ZNF347: variants seen among roughly 807,000 people sequenced by gnomAD.
ZNF347 encodes CTD-2620I22.7.
A neutral mutation model predicts 12.9 loss-of-function variants in ZNF347; 19 were observed. The observed-to-expected ratio is 1.47, with a 90% CI of 1.03 to 2.16. ZNF347 has a LOEUF of 2.16. Ranked by LOEUF, ZNF347 falls within the 30% of genes most tolerant of loss-of-function variation. The probability of loss-of-function intolerance (pLI) is 0.00; values close to 1 mark genes in which losing one functional copy is unlikely to be tolerated. For synonymous variants in ZNF347, 328 were observed against 340.6 expected (o/e 0.96, Z 0.41); for missense variants, 1,005 against 990.6 (o/e 1.01, Z -0.19).
At position 53,148,689 on chromosome 19, in the gene ZNF347, A is replaced by G; in HGVS notation, c.263T>C (p.Val88Ala). The change falls in exon 4 of 5, where the codon GTG becomes GCG. Residue 88 changes from valine (V) to alanine (A), a missense_variant. Transcript: ENST00000334197. The part of the protein sequence containing the change: ...NPDGWEWIKA[V>A]ITALSSEFVM... ...CCCATCTGAACTCTTACCTGTGATC[A>G]CAGCTTTGATCCATTCCCATCCATC... 6.2e-7 allele frequency: 1 copy of G among 1,612,596 alleles called. No individual in the cohort carries two copies. Among genetic ancestry groups the G allele is most frequent in the South Asian group, 1.1e-5 (1 of 90,844 alleles).
At chr19:53,154,404 T>C (rs1353743457) in intron 1 of ZNF347, among the ~76,000 whole-genome samples, 1 of 151,944 alleles carries the variant, frequency 6.6e-6, no homozygotes, top group Non-Finnish European at 1.5e-5. Context: ...ATGCTGGATC[T>C]AGAGTTCACA....
intron 4 of ZNF347, among the ~76,000 whole-genome samples, chr19:53,146,331 G>C (rs2090463397): frequency 6.6e-6 from 1 of 151,974 alleles, no homozygotes; most frequent in South Asian, 2.1e-4. Flanking sequence ...CTGGAGTGCA[G>C]TGGCCCAGTC....
intron 1 of ZNF347, among the ~76,000 whole-genome samples, chr19:53,156,058 G>GGCGGT: frequency 7.8e-6 from 1 of 127,904 alleles, no homozygotes; most frequent in African/African-American, 2.9e-5. Context: ...GGGGGGGGGG[G>GGCGGT]GGTTAGGCGG....
chr19:53,150,564 C>T (rs2090490769), intron 2 of ZNF347, among the ~76,000 whole-genome samples: 1 of 152,042 alleles, frequency 6.6e-6, no homozygotes, highest in Admixed American at 6.5e-5. Context: ...GTCTAACACA[C>T]CAAGTGATAT....
chr19:53,142,024 C>G lies in ZNF347; in HGVS notation c.804G>C (p.Met268Ile). The change falls in exon 5 of 5, where the codon ATG becomes ATC. Residue 268 changes from methionine to isoleucine, a missense_variant. Transcript: ENST00000334197. ...CAAGGTGTGAATTTTGAGGAAAGACCATGCCACATCCATTAGATTTGTAAG... is the reference window on the plus strand; with the variant it reads ...CAAGGTGTGAATTTTGAGGAAAGACGATGCCACATCCATTAGATTTGTAAG... ...GSPYKSNGCG[M>I]VFPQNSHLAS... The G allele has an allele frequency of 6.2e-7, 1 of 1,614,056 alleles. No individual in the cohort carries two copies.
At chr19:53,154,200 A>G (rs531646807) in intron 1 of ZNF347, among the ~76,000 whole-genome samples, 1 of 152,272 alleles carries the variant, frequency 6.6e-6, no homozygotes, top group African/African-American at 2.4e-5. Flanking sequence ...CAAAAGGTAG[A>G]GGCTGAACGT....
chr19:53,136,933 T>C lies in ZNF347; in HGVS notation c.*3375A>G, dbSNP rs1212600129. On this transcript the variant is annotated 3_prime_UTR_variant, in exon 5 of 5. Transcript: ENST00000334197. ...GAGAGTCTCACTCTATTGCCCAGGC[T>C]GGAGTGCAGTGGTGAGATCTCAGCT... The C allele has an allele frequency of 2.6e-5, 4 of 152,234 alleles. No homozygotes were observed. The highest frequency in any genetic ancestry group is 4.4e-5 in the Non-Finnish European group (3 of 68,072). 9.4% of individuals were successfully genotyped at this position (152,234 alleles called of 1,614,324 possible). A position where few individuals can be genotyped will look rare whatever the true frequency, so the allele number is the denominator to read the frequency against.
At chr19:53,154,066 T>A (rs575098992) in intron 1 of ZNF347, among the ~76,000 whole-genome samples, 1 of 152,056 alleles carries the variant, frequency 6.6e-6, no homozygotes, top group African/African-American at 2.4e-5. Flanking sequence ...GCTGCAGCAA[T>A]TGGGAGCTGG....
Position 53,148,664 on chromosome 19 carries a change from C to T in ZNF347, c.271+17G>A, listed in dbSNP as rs375949478. Reference sequence around the variant, plus strand: ...TATTTAATAAACGGCATTTTCTCTACCCATCTGAACTCTTACCTGTGATCA... The same window carrying T: ...TATTTAATAAACGGCATTTTCTCTATCCATCTGAACTCTTACCTGTGATCA... On this transcript the variant is annotated intron_variant, in intron 4 of 4. Transcript: ENST00000334197. 36 of 1,602,088 alleles carry T rather than the reference C, an allele frequency of 2.2e-5. No homozygotes were observed. The highest frequency in any genetic ancestry group is 3.4e-5 in the South Asian group (3 of 89,144).
rs752559803 is a variant in ZNF347 at position 53,141,388 on chromosome 19, A to G, written c.1440T>C (p.Thr480=). Residue 480 remains threonine, a synonymous_variant, in exon 5 of 5, where the codon ACT becomes ACC. Coordinates refer to ENST00000334197, the MANE Select transcript of ZNF347 (RefSeq NM_032584.3). The part of the protein sequence containing the change: ...SHLARHQLIH[T]GEKPYKCNEC... ...CATTACACTTATAAGGTTTCTCTCC[A>G]GTATGAATTAGCTGATGCCTTGCAA... is the stretch of plus-strand genomic sequence containing the variant. 16 of 1,614,042 alleles carry G rather than the reference A, an allele frequency of 9.9e-6. No homozygotes were observed. The South Asian group carries it at 1.8e-4, about 18-fold the overall frequency.
chr19:53,140,344 T>C lies in ZNF347; in HGVS notation c.2484A>G (p.Ser828=), dbSNP rs1217128122. 6.4e-7 allele frequency: 1 copy of C among 1,573,826 alleles called. No homozygotes were observed. The highest frequency in any genetic ancestry group is 1.4e-5 in the African/African-American group (1 of 73,358). The change falls in exon 5 of 5, where the codon TCA becomes TCG. Residue 828 remains serine (S), a synonymous_variant. Coordinates refer to ENST00000334197, the MANE Select transcript of ZNF347 (RefSeq NM_032584.3). ...YKCNVWKVLK[S]EFKPCKPSQN... ...GTGATGGCTTGCAAGGTTTGAACTCTGACTTTAGAACTTTCCACACGTTAC... is the reference window on the plus strand; with the variant it reads ...GTGATGGCTTGCAAGGTTTGAACTCCGACTTTAGAACTTTCCACACGTTAC...
intron 4 of ZNF347, among the ~76,000 whole-genome samples, chr19:53,145,970 T>TA (rs1032784579): frequency 2.0e-5 from 3 of 151,514 alleles, no homozygotes; most frequent in African/African-American, 4.8e-5. Flanking sequence ...AAAGTAGGAT[T>TA]AAAAAAAAAT....
intron 1 of ZNF347, among the ~76,000 whole-genome samples, chr19:53,154,075 GGGC>G (rs2090516051): frequency 6.6e-6 from 1 of 152,114 alleles, no homozygotes; most frequent in Non-Finnish European, 1.5e-5. Flanking sequence ...ATTGGGAGCT[GGGC>G]TGGACTGAGC....
intron 4 of ZNF347, among the ~76,000 whole-genome samples, chr19:53,145,728 C>T (rs116871027): frequency 1.2e-3 from 178 of 151,766 alleles, no homozygotes; most frequent in Non-Finnish European, 2.1e-3. Context: ...TGCAAAACAG[C>T]ACAATCTATA....
In ZNF347 at chr19:53,146,510, A is replaced by C. The variant is rs191431784; in HGVS notation, c.271+2171T>G. Among the ~76,000 whole-genome samples, 583 of 152,126 alleles carry C rather than the reference A, an allele frequency of 3.8e-3. 3 individuals are homozygous for C. Among genetic ancestry groups the C allele is most frequent in the Non-Finnish European group, 5.5e-3 (371 of 67,996 alleles). ...CAGGCTGGTTTGAACTCCCCGCCTC[A>C]AGCAATTCTCCTTTCTCAGTCTCCC... On this transcript the variant is annotated intron_variant, in intron 4 of 4. Coordinates refer to ENST00000334197, the MANE Select transcript of ZNF347 (RefSeq NM_032584.3).
chr19:53,157,951 T>A (rs1025949787), intron 1 of ZNF347, among the ~76,000 whole-genome samples: 2 of 152,152 alleles, frequency 1.3e-5, no homozygotes, highest in Non-Finnish European at 2.9e-5. Flanking sequence ...CATCTGCAAA[T>A]CCCTCGCCCA....
chr19:53,142,272 A>C lies in ZNF347; in HGVS notation c.556T>G (p.Leu186Val), dbSNP rs1256858074. 6.2e-7 allele frequency: 1 copy of C among 1,613,708 alleles called. No individual in the cohort carries two copies. The highest frequency in any genetic ancestry group is 2.2e-5 in the East Asian group (1 of 44,884). ...RNKLIKNQLG[L>V]SLQSHLPELQ... ...TCAGGCAGATGTGACTGAAGGCTTA[A>C]TCCAAGCTGATTTTTAATAAGCTTG... is the stretch of plus-strand genomic sequence containing the variant. The change falls in exon 5 of 5, where the codon TTA (leucine) becomes GTA (valine). Residue 186 changes from leucine to valine, a missense_variant. Coordinates refer to ENST00000334197, the MANE Select transcript of ZNF347 (RefSeq NM_032584.3).
In ZNF347 at chr19:53,142,030, A is replaced by G; in HGVS notation, c.798T>C (p.Cys266=). ...NWGSPYKSNG[C]GMVFPQNSHL... ...GTGAATTTTGAGGAAAGACCATGCC[A>G]CATCCATTAGATTTGTAAGGGCTTC... Residue 266 remains cysteine (C), a synonymous_variant, in exon 5 of 5, where the codon TGT becomes TGC. Coordinates refer to ENST00000334197, the MANE Select transcript of ZNF347 (RefSeq NM_032584.3). 1 of 1,614,090 alleles carries G rather than the reference A, an allele frequency of 6.2e-7. No individual in the cohort carries two copies. Among genetic ancestry groups the G allele is most frequent in the Non-Finnish European group, 8.5e-7 (1 of 1,179,980 alleles).
At position 53,136,837 on chromosome 19, in the gene ZNF347, T is replaced by G. The variant is rs1259475501; in HGVS notation, c.*3471A>C. 6.6e-6 allele frequency: 1 copy of G among 152,136 alleles called. No individual in the cohort carries two copies. Among genetic ancestry groups the G allele is most frequent in the East Asian group, 1.9e-4 (1 of 5,160 alleles). 9.4% of individuals were successfully genotyped at this position (152,136 alleles called of 1,614,324 possible). A position where few individuals can be genotyped will look rare whatever the true frequency, so the allele number is the denominator to read the frequency against. On this transcript the variant is annotated 3_prime_UTR_variant, in exon 5 of 5. Coordinates refer to ENST00000334197, the MANE Select transcript of ZNF347 (RefSeq NM_032584.3). ...CTATGGGTTCAGCAGAAAGGAAGAG[T>G]ATTATCTACTATTATGAAGAAAGCG...
Sources: allele counts gnomAD v4.1 joint callset (sites outside exome capture counted in the v4.1 genomes callset), GRCh38; gene constraint gnomAD v4.1.1; transcripts MANE v1.5; gene names NCBI Gene and HGNC (gene_info 2026-07-23, HGNC 2026-07-21).